The following SPATS2 variants were observed in gnomAD, a reference collection of about 807,000 sequenced individuals.
SPATS2 encodes spermatogenesis-associated serine-rich protein 2.
SPATS2 carries 38 observed loss-of-function variants against 63.7 expected under a neutral mutation model. The ratio of observed to expected loss-of-function variants is 0.60; its 90% CI spans 0.46 to 0.78. The LOEUF (loss-of-function observed/expected upper bound fraction) is 0.78, where lower values mean the gene tolerates loss of function less well. Among genes scored for constraint, SPATS2 ranks in the 30% least tolerant of loss-of-function variants. SPATS2 has a pLI of 0.00. For synonymous variants in SPATS2, 207 were observed against 232.9 expected, an observed-to-expected ratio of 0.89 and a Z score of 1.01; for missense variants, 588 against 666.2, an observed-to-expected ratio of 0.88 and a Z score of 1.29.
At chr12:49,400,888 A>G (rs1417981863) in intron 2 of SPATS2, among the ~76,000 whole-genome samples, 3 of 152,064 alleles carry the variant, frequency 2.0e-5, no homozygotes, top group Non-Finnish European at 2.9e-5. Context: ...ATTTCATTTT[A>G]ATTTTGAGAC....
chr12:49,485,275 C>T (rs565921531), intron 4 of SPATS2, among the ~76,000 whole-genome samples: 18 of 152,014 alleles, frequency 1.2e-4, no homozygotes, highest in Non-Finnish European at 1.8e-4. Context: ...GCCGTGGCCT[C>T]GATCTCCTGA....
In SPATS2 at chr12:49,475,797, A is replaced by T. The variant is rs1208388416; in HGVS notation, c.26-8793A>T. ...AGAGGAATAGGAAGGAATTTTTTTT[A>T]AAACTGCATTTCATTTCGTATGTAG... On this transcript the variant is annotated intron_variant, in intron 3 of 13. Coordinates refer to ENST00000552918, the MANE Select transcript of SPATS2 (RefSeq NM_023071.4). 4.6e-5 allele frequency among the ~76,000 whole-genome samples: 7 copies of T among 152,262 alleles called. No individual in the cohort carries two copies. In the East Asian group the frequency reaches 1.2e-3, roughly 25 times the overall value.
rs1565760918 is a variant in SPATS2 at position 49,516,191 on chromosome 12, AT to A, written c.898+1579del. Reference sequence around the variant, plus strand: ...AATATATATATATATATATATATATATATATATATATATATATAAATCAGGC... The same window carrying A: ...AATATATATATATATATATATATATAATATATATATATATATAAATCAGGC... On this transcript the variant is annotated intron_variant, in intron 10 of 13. Coordinates refer to ENST00000552918, the MANE Select transcript of SPATS2 (RefSeq NM_023071.4). Among the ~76,000 whole-genome samples, 253 of 104,696 alleles carry A rather than the reference AT, an allele frequency of 2.4e-3. 43 individuals are homozygous for A. Among genetic ancestry groups the A allele is most frequent in the African/African-American group, 8.0e-3 (227 of 28,432 alleles). 68.7% of individuals were successfully genotyped at this position (104,696 alleles called of 152,430 possible). A position where few individuals can be genotyped will look rare whatever the true frequency, so the allele number is the denominator to read the frequency against.
intron 2 of SPATS2, among the ~76,000 whole-genome samples, chr12:49,415,673 T>C (rs11831792): frequency 0.092 from 14,023 of 152,222 alleles, 756 homozygotes; most frequent in African/African-American, 0.14. Flanking sequence ...CAGCTTCCGG[T>C]AACGCTTTTT....
chr12:49,463,597 A>C (rs1034471761), intron 3 of SPATS2: 1 of 152,316 alleles, frequency 6.6e-6, no homozygotes, highest in South Asian at 2.1e-4. Flanking sequence ...CCCATGACAT[A>C]TAAAATATTA....
At chr12:49,381,256 T>C (rs776287496) in intron 2 of SPATS2, among the ~76,000 whole-genome samples, 3 of 152,352 alleles carry the variant, frequency 2.0e-5, no homozygotes, top group Non-Finnish European at 4.4e-5. Flanking sequence ...TGTTGAGTTA[T>C]AACCATTGAA....
At chr12:49,426,549 C>T (rs1945079397) in intron 2 of SPATS2, among the ~76,000 whole-genome samples, 1 of 152,002 alleles carries the variant, frequency 6.6e-6, no homozygotes, top group African/African-American at 2.4e-5. Context: ...ATTGCTGTAT[C>T]ATATTCTTTT....
intron 6 of SPATS2, 150 bp downstream of exon 6, chr12:49,490,881 C>T (rs1415064999): frequency 2.4e-5 from 16 of 670,300 alleles, no homozygotes; most frequent in African/African-American, 1.3e-4. Flanking sequence ...GGGGCTCACA[C>T]CTGTAATCCC....
At chr12:49,392,703 A>T (rs2137254558) in intron 2 of SPATS2, among the ~76,000 whole-genome samples, 1 of 152,228 alleles carries the variant, frequency 6.6e-6, no homozygotes, top group East Asian at 1.9e-4. Flanking sequence ...CAACAGAGTG[A>T]GACTCCATCT....
At chr12:49,393,531 C>T (rs1013669393) in intron 2 of SPATS2, among the ~76,000 whole-genome samples, 3 of 152,004 alleles carry the variant, frequency 2.0e-5, no homozygotes, top group South Asian at 2.1e-4. Context: ...TCTCTTTGTT[C>T]GTATTTAGAA....
chr12:49,488,924 A>G (rs1379187759), intron 4 of SPATS2, among the ~76,000 whole-genome samples: 1 of 152,166 alleles, frequency 6.6e-6, no homozygotes, highest in Non-Finnish European at 1.5e-5. Flanking sequence ...TGGGGGCTTC[A>G]ATTATATTTA....
intron 2 of SPATS2, among the ~76,000 whole-genome samples, chr12:49,435,266 A>C (rs1468241867): frequency 1.3e-5 from 2 of 151,220 alleles, no homozygotes; most frequent in Non-Finnish European, 2.9e-5. Flanking sequence ...TCCTGACCTC[A>C]TGATCCGCCT....
At chr12:49,458,172 A>C (rs903392025) in intron 2 of SPATS2, among the ~76,000 whole-genome samples, 1 of 152,142 alleles carries the variant, frequency 6.6e-6, no homozygotes, top group Non-Finnish European at 1.5e-5. Context: ...ATAATGCTTA[A>C]AAAAATTATT....
chr12:49,470,687 A>G (rs1052269188), intron 3 of SPATS2, among the ~76,000 whole-genome samples: 1 of 152,206 alleles, frequency 6.6e-6, no homozygotes, highest in African/African-American at 2.4e-5. Flanking sequence ...CCATAAGATC[A>G]TCTCCTTCAG....
intron 4 of SPATS2, among the ~76,000 whole-genome samples, chr12:49,488,804 A>T (rs1183568329): frequency 6.6e-6 from 1 of 152,222 alleles, no homozygotes; most frequent in Non-Finnish European, 1.5e-5. Flanking sequence ...TTACCTATGG[A>T]TATATGCACA....
chr12:49,461,023 A>T lies in SPATS2; in HGVS notation c.11A>T (p.Lys4Ile). The change falls in exon 3 of 14, where the codon AAA becomes ATA. Residue 4 changes from lysine (K) to isoleucine (I), a missense_variant. By Grantham distance (102) the Lys-to-Ile change is moderately radical. Coordinates refer to ENST00000552918, the MANE Select transcript of SPATS2 (RefSeq NM_023071.4). MSR[K>I]QNQKDSSGFI... ...ATCGAAGAAACGACAATGTCCAGGA[A>T]ACAGAACCAGAAGGGTAAGATTACA... 6.2e-7 allele frequency: 1 copy of T among 1,614,022 alleles called. No homozygotes were observed. The highest frequency in any genetic ancestry group is 8.5e-7 in the Non-Finnish European group (1 of 1,179,974).
chr12:49,433,106 G>A (rs1047166116), intron 2 of SPATS2, among the ~76,000 whole-genome samples: 1 of 152,018 alleles, frequency 6.6e-6, no homozygotes, highest in Admixed American at 6.6e-5. Flanking sequence ...TTTTTACTTT[G>A]TTTTATTTTG....
rs1946894147 is a variant in SPATS2, at chr12:49,519,009, T to G, written c.899-64T>G. The G allele has an allele frequency of 5.9e-6, 8 of 1,349,138 alleles. No homozygotes were observed. In the South Asian group the frequency reaches 1.1e-4, roughly 18 times the overall value. The allele number at this position is 1,349,138 out of a possible 1,614,324, so 83.6% of individuals were successfully genotyped here. A position where few individuals can be genotyped will look rare whatever the true frequency, so the allele number is the denominator to read the frequency against. ...CCAAATACCTACTGCAAGGCTTATA[T>G]TTCTAGTTCTTCTTTATCCTATTTA... On this transcript the variant is annotated intron_variant, in intron 10 of 13. Coordinates refer to ENST00000552918, the MANE Select transcript of SPATS2 (RefSeq NM_023071.4).
chr12:49,519,439 T>C (rs753162419), intron 11 of SPATS2, among the ~76,000 whole-genome samples: 31 of 152,268 alleles, frequency 2.0e-4, no homozygotes, highest in Non-Finnish European at 4.0e-4. Flanking sequence ...ATCTCAGATC[T>C]GACCTTATCT....
Sources: allele counts gnomAD v4.1 joint callset (sites outside exome capture counted in the v4.1 genomes callset), GRCh38; gene constraint gnomAD v4.1.1; transcripts MANE v1.5; gene names NCBI Gene and HGNC (gene_info 2026-07-23, HGNC 2026-07-21).